The following HHAT variants were observed in gnomAD, a reference collection of about 807,000 sequenced individuals.
HHAT encodes hedgehog acyltransferase.
HHAT carries 47 observed loss-of-function variants against 70.8 expected under a neutral mutation model. That is an observed-to-expected ratio of 0.66 (90% CI 0.53 to 0.85). HHAT has a LOEUF of 0.85. Among genes scored for constraint, HHAT ranks in the 40% least tolerant of loss-of-function variants. The pLI, the probability that HHAT is intolerant of heterozygous loss-of-function variation, is 0.00. For missense variants in HHAT, 609 were observed against 604.8 expected (o/e 1.01, Z -0.07); for synonymous variants, 228 against 247.6 (o/e 0.92, Z 0.74).
intron 9 of HHAT, among the ~76,000 whole-genome samples, chr1:210,571,052 G>A (rs1341382104): frequency 1.3e-5 from 2 of 152,172 alleles, no homozygotes; most frequent in African/African-American, 2.4e-5. Flanking sequence ...GGCCTCGGCC[G>A]TCGAATTGAA....
chr1:210,497,923 G>A (rs1572852927), intron 8 of HHAT, among the ~76,000 whole-genome samples: 3 of 152,012 alleles, frequency 2.0e-5, no homozygotes, highest in East Asian at 3.9e-4. Flanking sequence ...GCACCATCAC[G>A]CCCAGCTAAT....
intron 9 of HHAT, among the ~76,000 whole-genome samples, chr1:210,526,367 G>GTTTTGTTTTGTTTTGTTTTTTTTTT: frequency 2.8e-5 from 4 of 142,334 alleles, no homozygotes; most frequent in Admixed American, 2.1e-4. Flanking sequence ...AGTGGGTTCT[G>GTTTTGTTTTGTTTTGTTTTTTTTTT]TTTTTTTTTT....
chr1:210,398,620 A>G (rs1293329103), intron 4 of HHAT, among the ~76,000 whole-genome samples: 1 of 152,222 alleles, frequency 6.6e-6, no homozygotes, highest in South Asian at 2.1e-4. Context: ...CCCAGCAAAC[A>G]GGCTTTTTCC....
intron 3 of HHAT, chr1:210,374,201 T>G (rs951389108): frequency 2.6e-5 from 4 of 152,364 alleles, no homozygotes; most frequent in South Asian, 2.1e-4. Flanking sequence ...ATAACTGATT[T>G]GTTTCTCTCC....
chr1:210,605,863 T>TG (rs909524532), intron 10 of HHAT, among the ~76,000 whole-genome samples: 182 of 152,146 alleles, frequency 1.2e-3, no homozygotes, highest in African/African-American at 4.3e-3. Flanking sequence ...TGTTTTTTTT[T>TG]TTCCTCTTTT....
At chr1:210,532,536 T>G in intron 9 of HHAT, among the ~76,000 whole-genome samples, 1 of 152,196 alleles carries the variant, frequency 6.6e-6, no homozygotes, top group East Asian at 1.9e-4. Context: ...AGCCCTAAAC[T>G]TATATAACTG....
chr1:210,470,520 G>T (rs75864715), intron 8 of HHAT, among the ~76,000 whole-genome samples: 1 of 152,066 alleles, frequency 6.6e-6, no homozygotes, highest in Admixed American at 6.5e-5. Context: ...GACTTCCATA[G>T]ATCAAAGTGG....
chr1:210,570,483 G>A (rs142886305), intron 9 of HHAT, among the ~76,000 whole-genome samples: 1 of 152,272 alleles, frequency 6.6e-6, no homozygotes, highest in African/African-American at 2.4e-5. Context: ...TGTGAGAGAT[G>A]CTGGAAAGAA....
chr1:210,511,139 G>A (rs1207938394), intron 8 of HHAT, among the ~76,000 whole-genome samples: 1 of 152,154 alleles, frequency 6.6e-6, no homozygotes, highest in African/African-American at 2.4e-5. Context: ...AAAAATTTGT[G>A]TTAAATATAA....
At chr1:210,446,293 T>G (rs564318349) in intron 7 of HHAT, among the ~76,000 whole-genome samples, 15 of 152,200 alleles carry the variant, frequency 9.9e-5, no homozygotes, top group Non-Finnish European at 2.2e-4. Flanking sequence ...AGTTTTTAGA[T>G]AGCAGAAACT....
intron 1 of HHAT, among the ~76,000 whole-genome samples, chr1:210,333,660 AT>A (rs572247937): frequency 0.03 from 4,317 of 145,198 alleles, 174 homozygotes; most frequent in African/African-American, 0.099. Context: ...TACTACTATG[AT>A]TTTTTTTTTT....
At chr1:210,433,858 C>T (rs1490715328) in intron 7 of HHAT, among the ~76,000 whole-genome samples, 1 of 152,000 alleles carries the variant, frequency 6.6e-6, no homozygotes, top group Non-Finnish European at 1.5e-5. Context: ...GGAAGATCTT[C>T]CTGAGCACTG....
chr1:210,434,080 TAAAC>T (rs2093319959), intron 7 of HHAT, among the ~76,000 whole-genome samples: 1 of 151,896 alleles, frequency 6.6e-6, no homozygotes, highest in Non-Finnish European at 1.5e-5. Context: ...AATGAGGAAG[TAAAC>T]AAGTGTCTTG....
At chr1:210,651,595 G>T (rs1675172505) in intron 11 of HHAT, among the ~76,000 whole-genome samples, 1 of 152,198 alleles carries the variant, frequency 6.6e-6, no homozygotes, top group Admixed American at 6.5e-5. Flanking sequence ...CCCCAAGGGA[G>T]GTGAGTGCTG....
At chr1:210,618,114 C>G (rs1573774410) in intron 10 of HHAT, among the ~76,000 whole-genome samples, 1 of 152,182 alleles carries the variant, frequency 6.6e-6, no homozygotes, top group East Asian at 1.9e-4. Context: ...TGGTGAAACA[C>G]AGACTTCTAG....
chr1:210,594,977 T>TTTAC (rs1662604785), intron 10 of HHAT, among the ~76,000 whole-genome samples: 1 of 151,774 alleles, frequency 6.6e-6, no homozygotes. Flanking sequence ...TTTTTTTAAA[T>TTTAC]TAATTTATTT....
At chr1:210,616,352 C>T (rs1417724097) in intron 10 of HHAT, among the ~76,000 whole-genome samples, 1 of 150,732 alleles carries the variant, frequency 6.6e-6, no homozygotes, top group Non-Finnish European at 1.5e-5. Context: ...CCCCCTTTTC[C>T]CCCAGGGCCT....
At chr1:210,423,261 A>G (rs997418394) in intron 7 of HHAT, among the ~76,000 whole-genome samples, 3 of 152,178 alleles carry the variant, frequency 2.0e-5, no homozygotes, top group African/African-American at 7.2e-5. Flanking sequence ...CATAATAGTC[A>G]TCCTAACTCT....
chr1:210,564,446 A>G (rs1377699619), intron 9 of HHAT, among the ~76,000 whole-genome samples: 1 of 152,208 alleles, frequency 6.6e-6, no homozygotes, highest in Non-Finnish European at 1.5e-5. Context: ...CACAGAAGCA[A>G]AAATGTGAAC....
Sources: gnomAD v4.1 joint callset for allele counts (sites outside exome capture counted in the v4.1 genomes callset) on GRCh38, gnomAD v4.1.1 for gene constraint, MANE v1.5 for transcripts, NCBI Gene and HGNC (gene_info 2026-07-23, HGNC 2026-07-21) for gene names.